The following ZNF571 variants were observed in gnomAD, a reference collection of about 807,000 sequenced individuals.
The protein encoded by ZNF571 is zinc finger protein 571.
In ZNF571, 4 loss-of-function variants were observed where a neutral mutation model predicts 7.7. The observed-to-expected ratio is 0.52, with a 90% CI of 0.25 to 1.18. ZNF571 has a LOEUF of 1.18. ZNF571 is among the 50% of genes most tolerant of loss of function. The pLI is 0.14. For missense variants in ZNF571, 704 were observed against 726.9 expected (o/e 0.97, Z 0.36); for synonymous variants, 251 against 232.4 (o/e 1.08, Z -0.73).
rs115343610 is a variant in ZNF571 at position 37,583,807 on chromosome 19, G to A, written c.136+164C>T. ...GACAGGAAGTGACAGAGAAAGATGT[G>A]ACAGTCTAAAGGATAAGAGATAAAA... On this transcript the variant is annotated intron_variant, in intron 3 of 3. Coordinates refer to ENST00000451802, the MANE Select transcript of ZNF571 (RefSeq NM_016536.5). 1.2e-3 allele frequency: 708 copies of A among 614,790 alleles called. 6 individuals are homozygous for A. The African/African-American group carries it at 0.012, about 11-fold the overall frequency. The allele number at this position is 614,790 out of a possible 1,614,324, so 38.1% of individuals were successfully genotyped here.
At chr19:37,576,103 G>A (rs868387951) in intron 3 of ZNF571, among the ~76,000 whole-genome samples, 1 of 151,984 alleles carries the variant, frequency 6.6e-6, no homozygotes, top group Admixed American at 6.6e-5. Flanking sequence ...AACTCCTAAA[G>A]AATTTATCAA....
intron 2 of ZNF571, among the ~76,000 whole-genome samples, chr19:37,584,690 C>T (rs1418803705): frequency 2.6e-5 from 4 of 152,090 alleles, no homozygotes; most frequent in African/African-American, 7.2e-5. Context: ...CGGCCGGGCG[C>T]GGTGGCTCAC....
chr19:37,589,347 A>C (rs893635140), intron 1 of ZNF571, among the ~76,000 whole-genome samples: 3 of 152,166 alleles, frequency 2.0e-5, no homozygotes, highest in Non-Finnish European at 4.4e-5. Flanking sequence ...ATACACAGAC[A>C]AATGACAAAA....
At chr19:37,577,985 C>T (rs1277454491) in intron 3 of ZNF571, among the ~76,000 whole-genome samples, 1 of 152,162 alleles carries the variant, frequency 6.6e-6, no homozygotes, top group African/African-American at 2.4e-5. Flanking sequence ...TGAGCTCCGC[C>T]TCCGGTCAGA....
intron 1 of ZNF571, among the ~76,000 whole-genome samples, chr19:37,589,864 C>CAAAA (rs60136941): frequency 0.3 from 8,749 of 29,578 alleles, 3,320 homozygotes; most frequent in East Asian, 0.65. Context: ...GACTCCATCT[C>CAAAA]AAAAAAAAAA....
In ZNF571 at chr19:37,586,670, G is replaced by A. The variant is rs1216315511; in HGVS notation, c.7C>T (p.His3Tyr). ...GAAGGAAAGAAACAGCAACTCACGT[G>A]GGGCATGGTTTTTTAGAACTGATCA... MP[H>Y]LLVTFRDVAI... is the part of the protein sequence containing the mutation. Residue 3 changes from histidine to tyrosine, a missense_variant and splice_region_variant, in exon 2 of 4, where the codon CAC becomes TAC. His to Tyr is a moderately conservative substitution (Grantham distance 83). Transcript: ENST00000451802. 6.2e-7 allele frequency: 1 copy of A among 1,613,988 alleles called. No individual in the cohort carries two copies. Among genetic ancestry groups the A allele is most frequent in the African/African-American group, 1.3e-5 (1 of 74,920 alleles).
At position 37,565,609 on chromosome 19, in the gene ZNF571, ATGAATTCTC is replaced by A; in HGVS notation, c.810_818del (p.Gln270_Ile272del). The A allele has an allele frequency of 6.2e-7, 1 of 1,613,410 alleles. No homozygotes were observed. The highest frequency in any genetic ancestry group is 1.1e-5 in the South Asian group (1 of 90,990). On this transcript the variant is annotated inframe_deletion, in exon 4 of 4. Transcript: ENST00000451802. ...TACATTCATAGGGTTTTTCACCACTATGAATTCTCTGATGAAGAGTATATTGTGAACAAT... is the reference window on the plus strand; with the variant it reads ...TACATTCATAGGGTTTTTCACCACTATGATGAAGAGTATATTGTGAACAAT...
At chr19:37,571,020 GAAT>G (rs2043030919) in intron 3 of ZNF571, among the ~76,000 whole-genome samples, 1 of 152,026 alleles carries the variant, frequency 6.6e-6, no homozygotes. Context: ...TCACTATGAG[GAAT>G]AATTATAACA....
chr19:37,581,269 C>G (rs936404438), intron 3 of ZNF571, among the ~76,000 whole-genome samples: 3 of 152,062 alleles, frequency 2.0e-5, no homozygotes, highest in African/African-American at 7.2e-5. Flanking sequence ...AGATTAGTCT[C>G]TTTTTAATAA....
chr19:37,586,629 A>C (rs745612439), intron 2 of ZNF571, 39 bp downstream of exon 2: 2 of 1,613,108 alleles, frequency 1.2e-6, no homozygotes, highest in Non-Finnish European at 1.7e-6. Context: ...TACACAACAA[A>C]ATGATTGTAC....
intron 3 of ZNF571, among the ~76,000 whole-genome samples, chr19:37,572,099 A>G (rs993896894): frequency 6.6e-6 from 1 of 152,226 alleles, no homozygotes; most frequent in Non-Finnish European, 1.5e-5. Context: ...ACCATCATTC[A>G]CATGAGAAAA....
At chr19:37,583,727 C>A in intron 3 of ZNF571, 1 of 395,182 alleles carries the variant, frequency 2.5e-6, no homozygotes, top group Non-Finnish European at 4.6e-6. Flanking sequence ...CATGGTCATG[C>A]TAGGGGATTC....
Position 37,572,713 on chromosome 19 carries a change from A to G in ZNF571, c.137-6422T>C, listed in dbSNP as rs564124135. On this transcript the variant is annotated intron_variant, in intron 3 of 3. Coordinates refer to ENST00000451802, the MANE Select transcript of ZNF571 (RefSeq NM_016536.5). ...TTCTGAACTTTTAAAGGTTAGAAGT[A>G]ATCTGTTGGCCTTAGGAGCCAAAAA... Among the ~76,000 whole-genome samples, 11 of 152,348 alleles carry G rather than the reference A, an allele frequency of 7.2e-5. No individual in the cohort carries two copies. In the East Asian group the frequency reaches 2.1e-3, roughly 29 times the overall value.
rs1326211473 is a variant in ZNF571 at position 37,564,371 on chromosome 19, G to A, written c.*227C>T. ...TATATAGGATTTCAGTTAGGATATG[G>A]TGAAATGGAGATGATGCTTAATAAA... On this transcript the variant is annotated 3_prime_UTR_variant, in exon 4 of 4. Transcript: ENST00000451802. 1 of 372,632 alleles carries A rather than the reference G, an allele frequency of 2.7e-6. No homozygotes were observed. The highest frequency in any genetic ancestry group is 4.7e-6 in the Non-Finnish European group (1 of 210,698). 23.1% of individuals were successfully genotyped at this position (372,632 alleles called of 1,614,324 possible).
At chr19:37,570,539 A>G (rs955711) in intron 3 of ZNF571, among the ~76,000 whole-genome samples, 2,245 of 152,342 alleles carry the variant, frequency 0.015, 51 homozygotes, top group East Asian at 0.05. Context: ...GACATTTACC[A>G]TCATAGAACT....
chr19:37,586,126 AT>A (rs1185778623), intron 2 of ZNF571: 1 of 152,700 alleles, frequency 6.5e-6, no homozygotes, highest in Non-Finnish European at 1.5e-5. Context: ...AAGCCACTAA[AT>A]TAGTGGTTAT....
At chr19:37,582,350 T>C (rs890034847) in intron 3 of ZNF571, among the ~76,000 whole-genome samples, 2 of 152,220 alleles carry the variant, frequency 1.3e-5, no homozygotes, top group Non-Finnish European at 2.9e-5. Flanking sequence ...AGCTAACTGC[T>C]TCCTCCTTTT....
intron 3 of ZNF571, 84 bp from the exon 4 acceptor site, chr19:37,566,375 A>G: frequency 4.9e-6 from 7 of 1,442,594 alleles, no homozygotes; most frequent in Non-Finnish European, 6.5e-6. Flanking sequence ...AGATGAAAAT[A>G]ATTCTCATTA....
intron 3 of ZNF571, among the ~76,000 whole-genome samples, chr19:37,568,583 TG>T (rs995912842): frequency 3.9e-5 from 6 of 152,118 alleles, no homozygotes; most frequent in African/African-American, 1.2e-4. Flanking sequence ...AATATGATTC[TG>T]GGGTAGGAGG....
Sources: gnomAD v4.1 joint callset for allele counts (sites outside exome capture counted in the v4.1 genomes callset) on GRCh38, gnomAD v4.1.1 for gene constraint, MANE v1.5 for transcripts, NCBI Gene and HGNC (gene_info 2026-07-23, HGNC 2026-07-21) for gene names.